LDB2: variants seen among roughly 807,000 people sequenced by gnomAD.
LDB2 encodes the protein LIM domain-binding protein 2.
LDB2 carries 12 observed loss-of-function variants against 44.3 expected under a neutral mutation model. The observed-to-expected ratio is 0.27, with a 90% CI of 0.17 to 0.44. The LOEUF is 0.44. Among genes scored for constraint, LDB2 ranks in the 20% least tolerant of loss-of-function variants. The pLI, the probability that LDB2 is intolerant of heterozygous loss-of-function variation, is 1.00. For missense variants in LDB2, 344 were observed against 473.5 expected (o/e 0.73, Z 2.54); for synonymous variants, 164 against 174.8 (o/e 0.94, Z 0.49).
intron 1 of LDB2, among the ~76,000 whole-genome samples, chr4:16,897,911 T>C (rs1429879356): frequency 8.5e-4 from 13 of 15,220 alleles, no homozygotes; most frequent in South Asian, 1.4e-3. Context: ...TATATATATA[T>C]ATATATATAT....
chr4:16,719,874 T>C (rs535414471), intron 2 of LDB2, among the ~76,000 whole-genome samples: 52 of 152,286 alleles, frequency 3.4e-4, no homozygotes, highest in Middle Eastern at 6.8e-3. Context: ...TAGATATTAT[T>C]ATTCTGCTCA....
chr4:16,811,158 AG>A (rs895293702), intron 1 of LDB2, among the ~76,000 whole-genome samples: 1 of 152,228 alleles, frequency 6.6e-6, no homozygotes, highest in African/African-American at 2.4e-5. Context: ...GTTTGTTAAA[AG>A]GATTAAGTGA....
chr4:16,893,480 T>C (rs1724002198), intron 1 of LDB2, among the ~76,000 whole-genome samples: 2 of 152,078 alleles, frequency 1.3e-5, no homozygotes, highest in Non-Finnish European at 2.9e-5. Flanking sequence ...TATATAAAAA[T>C]GTAGCTGAAA....
intron 1 of LDB2, among the ~76,000 whole-genome samples, chr4:16,814,038 A>ATT (rs373118284): frequency 6.6e-6 from 1 of 151,814 alleles, no homozygotes; most frequent in South Asian, 2.1e-4. Context: ...CGCCTGGCTA[A>ATT]TTTTTTGTAT....
intron 1 of LDB2, among the ~76,000 whole-genome samples, chr4:16,802,190 A>T (rs190993835): frequency 1.3e-5 from 2 of 152,294 alleles, no homozygotes; most frequent in Admixed American, 1.3e-4. Context: ...TTGTGGTGAA[A>T]GTGAACTGAG....
chr4:16,706,096 TC>T (rs1218388677), intron 2 of LDB2, among the ~76,000 whole-genome samples: 1 of 152,176 alleles, frequency 6.6e-6, no homozygotes. Context: ...TAAAAATAAT[TC>T]TGAATTCTTG....
chr4:16,799,192 A>G (rs1777307678), intron 1 of LDB2, among the ~76,000 whole-genome samples: 1 of 152,204 alleles, frequency 6.6e-6, no homozygotes, highest in Admixed American at 6.5e-5. Flanking sequence ...CTACGCAGTT[A>G]AGAAAAAAAA....
intron 5 of LDB2, among the ~76,000 whole-genome samples, chr4:16,531,121 G>T (rs765986113): frequency 6.6e-6 from 1 of 152,192 alleles, no homozygotes; most frequent in Non-Finnish European, 1.5e-5. Flanking sequence ...TCAGCAAACA[G>T]CAGGTGCTCC....
rs560802497 is a variant in LDB2, at chr4:16,558,728, C to T, written c.615+27194G>A. Among the ~76,000 whole-genome samples, 240 of 151,934 alleles carry T rather than the reference C, an allele frequency of 1.6e-3. 1 individual carries two copies. The highest frequency in any genetic ancestry group is 5.3e-3 in the African/African-American group (221 of 41,434). On this transcript the variant is annotated intron_variant, in intron 5 of 7. Coordinates refer to ENST00000304523, the MANE Select transcript of LDB2 (RefSeq NM_001290.5). ...CAGAGAACGCCACAAAGATACTCCTCGAGAAGAGCAACTCCAAGACACATA... is the reference window on the plus strand; with the variant it reads ...CAGAGAACGCCACAAAGATACTCCTTGAGAAGAGCAACTCCAAGACACATA...
At chr4:16,879,198 C>CAA (rs1249018121) in intron 1 of LDB2, among the ~76,000 whole-genome samples, 1 of 152,150 alleles carries the variant, frequency 6.6e-6, no homozygotes, top group African/African-American at 2.4e-5. Context: ...TTCCCTATTG[C>CAA]AATAAAGTCA....
intron 2 of LDB2, among the ~76,000 whole-genome samples, chr4:16,745,602 G>C (rs764758409): frequency 1.3e-5 from 2 of 152,158 alleles, no homozygotes; most frequent in Non-Finnish European, 2.9e-5. Context: ...AAAACACAGA[G>C]AGTTATTGTG....
intron 2 of LDB2, among the ~76,000 whole-genome samples, chr4:16,682,976 G>A (rs1410981013): frequency 6.6e-6 from 1 of 152,178 alleles, no homozygotes; most frequent in Non-Finnish European, 1.5e-5. Context: ...GTAACTCTGG[G>A]ACATGTCCTT....
At chr4:16,865,033 G>T (rs116672502) in intron 1 of LDB2, among the ~76,000 whole-genome samples, 4,683 of 152,058 alleles carry the variant, frequency 0.031, 222 homozygotes, top group African/African-American at 0.1. Context: ...ATCACTTGAG[G>T]TCAGGAGTTA....
intron 1 of LDB2, among the ~76,000 whole-genome samples, chr4:16,862,599 C>CTCCA (rs1713031158): frequency 7.8e-6 from 1 of 127,796 alleles, no homozygotes; most frequent in Non-Finnish European, 1.6e-5. Flanking sequence ...TGCCATTGCA[C>CTCCA]TCCAGCCTGG....
rs185658946 is a variant in LDB2 at position 16,576,134 on chromosome 4, A to G, written c.615+9788T>C. Reference sequence around the variant, plus strand: ...GTTTATACCTGAAAGTGCCCACATCAACGAAGAACAACTTCAAATAAACAA... The same window carrying G: ...GTTTATACCTGAAAGTGCCCACATCGACGAAGAACAACTTCAAATAAACAA... On this transcript the variant is annotated intron_variant, in intron 5 of 7. Transcript: ENST00000304523. Among the ~76,000 whole-genome samples, 194 of 152,356 alleles carry G rather than the reference A, an allele frequency of 1.3e-3. 1 individual carries two copies. Among genetic ancestry groups the G allele is most frequent in the African/African-American group, 4.4e-3 (183 of 41,590 alleles).
chr4:16,633,143 T>C (rs1732499541), intron 2 of LDB2, among the ~76,000 whole-genome samples: 1 of 152,194 alleles, frequency 6.6e-6, no homozygotes, highest in Non-Finnish European at 1.5e-5. Context: ...TGCAGGGACA[T>C]GGATGAAGCT....
intron 5 of LDB2, among the ~76,000 whole-genome samples, chr4:16,517,489 A>G (rs907534023): frequency 1.3e-5 from 2 of 152,190 alleles, no homozygotes; most frequent in Non-Finnish European, 2.9e-5. Flanking sequence ...CTAAAAAGAA[A>G]GGCCAAAGAC....
chr4:16,559,380 C>A (rs1202770586), intron 5 of LDB2, among the ~76,000 whole-genome samples: 3 of 151,914 alleles, frequency 2.0e-5, no homozygotes, highest in African/African-American at 7.3e-5. Context: ...ATCTACCAAG[C>A]CAATGGAAAA....
chr4:16,864,014 G>C (rs1170309988), intron 1 of LDB2, among the ~76,000 whole-genome samples: 1 of 152,146 alleles, frequency 6.6e-6, no homozygotes, highest in African/African-American at 2.4e-5. Flanking sequence ...AGGAAGCCCA[G>C]CTGCTGATGA....
Sources: gnomAD v4.1 joint callset for allele counts (sites outside exome capture counted in the v4.1 genomes callset) on GRCh38, gnomAD v4.1.1 for gene constraint, MANE v1.5 for transcripts, NCBI Gene and HGNC (gene_info 2026-07-23, HGNC 2026-07-21) for gene names.